Variants in PCDHGB3 observed in about 807,000 individuals in gnomAD.
The protein encoded by PCDHGB3 is protocadherin gamma-B3.
A neutral mutation model predicts 59.2 loss-of-function variants in PCDHGB3; 40 were observed. The observed-to-expected ratio is 0.68, with a 90% confidence interval of 0.52 to 0.88. The LOEUF (loss-of-function observed/expected upper bound fraction) is 0.88. Among genes scored for constraint, PCDHGB3 ranks in the 40% least tolerant of loss-of-function variants. The pLI is 0.00. For missense variants in PCDHGB3, 1,309 were observed against 1,187.9 expected (o/e 1.10, Z -1.50); for synonymous variants, 581 against 503.6 (o/e 1.15, Z -2.06).
intron 1 of PCDHGB3, among the ~76,000 whole-genome samples, chr5:141,457,656 G>T (rs2098926936): frequency 6.6e-6 from 1 of 152,244 alleles, no homozygotes; most frequent in Non-Finnish European, 1.5e-5. Context: ...ATGAAGTGCA[G>T]CAAGAATGGT....
At position 141,486,417 on chromosome 5, in the gene PCDHGB3, G is replaced by T. The variant is rs1298448753; in HGVS notation, c.2416-8390G>T. On this transcript the variant is annotated intron_variant, in intron 1 of 3. Transcript: ENST00000576222. The surrounding 1 kb of genome is among the most constrained non-coding windows in gnomAD (Gnocchi z 5.0). ...CTGGTGACTGCTGGACCCTTGGATCGAGAGGCCAAATCTAGCTATGACATC... is the reference window on the plus strand; with the variant it reads ...CTGGTGACTGCTGGACCCTTGGATCTAGAGGCCAAATCTAGCTATGACATC... The T allele has an allele frequency of 6.2e-7, 1 of 1,614,014 alleles. No homozygotes were observed. The highest frequency in any genetic ancestry group is 1.7e-5 in the Admixed American group (1 of 60,010).
intron 1 of PCDHGB3, chr5:141,382,993 C>A (rs762865747): frequency 6.2e-7 from 1 of 1,613,660 alleles, no homozygotes; most frequent in South Asian, 1.1e-5. Context: ...AGGACGTATT[C>A]TCTACTCCGT....
chr5:141,502,173 T>C (rs1377892969), intron 2 of PCDHGB3, among the ~76,000 whole-genome samples: 2 of 152,178 alleles, frequency 1.3e-5, no homozygotes, highest in African/African-American at 4.8e-5. Flanking sequence ...AGTTGAGGAA[T>C]TTAACATTAA....
intron 1 of PCDHGB3, chr5:141,428,769 T>A (rs1367357065): frequency 6.5e-6 from 1 of 154,242 alleles, no homozygotes; most frequent in Non-Finnish European, 1.4e-5. Flanking sequence ...TTGCCCACTC[T>A]TAATATTTCC....
intron 3 of PCDHGB3, among the ~76,000 whole-genome samples, chr5:141,507,891 C>A (rs1031803854): frequency 6.6e-6 from 1 of 152,208 alleles, no homozygotes; most frequent in African/African-American, 2.4e-5. Flanking sequence ...AGAGAGGTTC[C>A]TGAAGTCCAG....
chr5:141,405,185 G>C (rs777099869), intron 1 of PCDHGB3: 4 of 1,613,066 alleles, frequency 2.5e-6, no homozygotes, highest in Non-Finnish European at 3.4e-6. Context: ...GGGTGTAGAT[G>C]GGGTTCGAGC....
At chr5:141,381,785 G>A (rs1349926565) in intron 1 of PCDHGB3, among the ~76,000 whole-genome samples, 1 of 149,782 alleles carries the variant, frequency 6.7e-6, no homozygotes, top group Non-Finnish European at 1.5e-5. Context: ...CAGGAACAAG[G>A]CAAGGCAATT....
chr5:141,385,020 C>T, intron 1 of PCDHGB3: 3 of 1,614,168 alleles, frequency 1.9e-6, no homozygotes, highest in Non-Finnish European at 2.5e-6. Flanking sequence ...TCCTAGCCTT[C>T]GTCCTCGTAC....
chr5:141,492,079 G>C (rs1400390407), intron 1 of PCDHGB3: 3 of 486,286 alleles, frequency 6.2e-6, no homozygotes, highest in South Asian at 4.1e-5. Flanking sequence ...CGCCGGCTCC[G>C]GCACGCTTCG....
In PCDHGB3 at chr5:141,427,737, G is replaced by C. The variant is rs1460682938; in HGVS notation, c.2415+54928G>C. 2.5e-6 allele frequency: 3 copies of C among 1,223,986 alleles called. No homozygotes were observed. The African/African-American group carries it at 4.4e-5, about 18-fold the overall frequency. 75.8% of individuals were successfully genotyped at this position (1,223,986 alleles called of 1,614,324 possible). A position where few individuals can be genotyped will look rare whatever the true frequency, so the allele number is the denominator to read the frequency against. On this transcript the variant is annotated intron_variant, in intron 1 of 3. Coordinates refer to ENST00000576222, the MANE Select transcript of PCDHGB3 (RefSeq NM_018924.5). The stretch of plus-strand genomic sequence containing the variant: ...CCTGGACCTAGGGCTGAATGGCCAA[G>C]TCTCCTACTCCATCGTTACCACTGA...
rs374995933 is a variant in PCDHGB3, at chr5:141,371,810, G to A, written c.1416G>A (p.Ala472=). 9 of 1,613,756 alleles carry A rather than the reference G, an allele frequency of 5.6e-6. No individual in the cohort carries two copies. Among genetic ancestry groups the A allele is most frequent in the Middle Eastern group, 1.6e-4 (1 of 6,084 alleles). ...AENNPPGASI[A]HVRASDPDLG... ...ACAATCCGCCTGGAGCCTCCATTGC[G>A]CATGTCAGAGCCTCGGATCCCGACT... The change falls in exon 1 of 4, where the codon GCG becomes GCA. Residue 472 remains alanine (A), a synonymous_variant. Coordinates refer to ENST00000576222, the MANE Select transcript of PCDHGB3 (RefSeq NM_018924.5).
rs199965876 is a variant in PCDHGB3, at chr5:141,419,464, C to G, written c.2415+46655C>G. ...CCTTCGAGCTCACGCTGCAGGCCCG[C>G]GACCAGGGCTCGCCCGCGCTCAGCG... On this transcript the variant is annotated intron_variant, in intron 1 of 3. Transcript: ENST00000576222. 4 of 1,612,542 alleles carry G rather than the reference C, an allele frequency of 2.5e-6. No homozygotes were observed. In the Admixed American group the frequency reaches 6.7e-5, roughly 27 times the overall value.
At chr5:141,394,260 G>A (rs779006100) in intron 1 of PCDHGB3, 2 of 1,613,802 alleles carry the variant, frequency 1.2e-6, no homozygotes, top group African/African-American at 2.7e-5. Flanking sequence ...CGACAGCCAG[G>A]AGAATGCCCA....
chr5:141,438,601 T>C (rs2098005462), intron 1 of PCDHGB3, among the ~76,000 whole-genome samples: 6 of 26,284 alleles, frequency 2.3e-4, no homozygotes, highest in African/African-American at 1.3e-3. Flanking sequence ...CATATATATA[T>C]ATATATATAT....
intron 1 of PCDHGB3, chr5:141,410,735 T>C: frequency 7.5e-7 from 1 of 1,336,188 alleles, no homozygotes; most frequent in Non-Finnish European, 1.0e-6. Context: ...CATAGCTTTT[T>C]ACAATATTTT....
chr5:141,444,281 C>T (rs1256106299), intron 1 of PCDHGB3, among the ~76,000 whole-genome samples: 1 of 146,976 alleles, frequency 6.8e-6, no homozygotes, highest in African/African-American at 2.5e-5. Context: ...AAGTGATTCT[C>T]CTGCCTCAGC....
rs1768748655 is a variant in PCDHGB3, at chr5:141,372,411, C to G, written c.2017C>G (p.Pro673Ala). 6.2e-7 allele frequency: 1 copy of G among 1,614,080 alleles called. No individual in the cohort carries two copies. The highest frequency in any genetic ancestry group is 2.2e-5 in the East Asian group (1 of 44,886). Residue 673 changes from proline to alanine, a missense_variant, in exon 1 of 4, where the codon CCT (proline) becomes GCT (alanine). Transcript: ENST00000576222. Reference sequence around the variant, plus strand: ...CGCAGATAGCTTGCAAGAGATACAACCTGACCTTAGCGACCGCCCCACTCC... The same window carrying G: ...CGCAGATAGCTTGCAAGAGATACAAGCTGACCTTAGCGACCGCCCCACTCC... ...IFADSLQEIQ[P>A]DLSDRPTPSD...
Position 141,388,879 on chromosome 5 carries a change from A to C in PCDHGB3, c.2415+16070A>C, listed in dbSNP as rs771776263. 3 of 1,613,956 alleles carry C rather than the reference A, an allele frequency of 1.9e-6. No individual in the cohort carries two copies. In the East Asian group the frequency reaches 6.7e-5, roughly 36 times the overall value. ...GGAATGATTGCGCAATGCACAGTGG[A>C]GGTAGAAGTCATAGATGAAAATGAC... On this transcript the variant is annotated intron_variant, in intron 1 of 3. Transcript: ENST00000576222.
chr5:141,466,297 A>G (rs1206472131), intron 1 of PCDHGB3, among the ~76,000 whole-genome samples: 3 of 152,146 alleles, frequency 2.0e-5, no homozygotes, highest in East Asian at 1.9e-4. Flanking sequence ...CAGGCTCCCA[A>G]GTAGCTGGGA....
Sources: allele counts gnomAD v4.1 joint callset (sites outside exome capture counted in the v4.1 genomes callset), GRCh38; gene constraint gnomAD v4.1.1; non-coding constraint Gnocchi (gnomAD v3.1); transcripts MANE v1.5; gene names NCBI Gene and HGNC (gene_info 2026-07-23, HGNC 2026-07-21).